The following SLC24A3 variants were observed in gnomAD, a reference collection of about 807,000 sequenced individuals.
SLC24A3 encodes the protein sodium/potassium/calcium exchanger 3.
In SLC24A3, 28 loss-of-function variants were observed where a neutral mutation model predicts 75.8. That is an observed-to-expected ratio of 0.37 (90% CI 0.27 to 0.51). The LOEUF is 0.51. SLC24A3 is among the 20% of genes least tolerant of loss of function. SLC24A3 has a pLI of 0.94. For missense variants in SLC24A3, 663 were observed against 847.8 expected, an observed-to-expected ratio of 0.78 and a Z score of 2.71; for synonymous variants, 372 against 334.1, an observed-to-expected ratio of 1.11 and a Z score of -1.24.
chr20:19,333,430 G>T (rs775884185), intron 2 of SLC24A3, among the ~76,000 whole-genome samples: 1 of 152,214 alleles, frequency 6.6e-6, no homozygotes, highest in Non-Finnish European at 1.5e-5. Flanking sequence ...GTCTTAGGGG[G>T]AAGTGACAGA....
chr20:19,668,618 C>T (rs1285587745), intron 8 of SLC24A3, among the ~76,000 whole-genome samples: 2 of 152,186 alleles, frequency 1.3e-5, no homozygotes, highest in Non-Finnish European at 2.9e-5. Context: ...AATACAAATA[C>T]ACCAGGACAA....
At chr20:19,213,788 C>T (rs1981477099) in intron 1 of SLC24A3, among the ~76,000 whole-genome samples, 1 of 152,192 alleles carries the variant, frequency 6.6e-6, no homozygotes, top group Non-Finnish European at 1.5e-5. Flanking sequence ...CAACAGTTGT[C>T]TGCTGAAACA....
intron 2 of SLC24A3, among the ~76,000 whole-genome samples, chr20:19,285,822 T>A (rs1219186961): frequency 1.3e-5 from 2 of 152,176 alleles, no homozygotes; most frequent in Non-Finnish European, 2.9e-5. Context: ...CTAAATGTAA[T>A]ATTGAAGATG....
intron 2 of SLC24A3, among the ~76,000 whole-genome samples, chr20:19,289,711 C>T (rs1015717576): frequency 7.1e-6 from 1 of 140,794 alleles, no homozygotes; most frequent in Non-Finnish European, 1.5e-5. Context: ...CATGTCTCTA[C>T]TCCCTGGGGT....
chr20:19,265,917 G>T (rs1294349258), intron 1 of SLC24A3: 1 of 153,132 alleles, frequency 6.5e-6, no homozygotes, highest in Non-Finnish European at 1.5e-5. Flanking sequence ...CTTTAGTTCA[G>T]GCAGCATCTT....
intron 3 of SLC24A3, among the ~76,000 whole-genome samples, chr20:19,535,696 T>C (rs1234238609): frequency 6.6e-6 from 1 of 152,184 alleles, no homozygotes; most frequent in African/African-American, 2.4e-5. Context: ...GGGTTATTTT[T>C]GAAGTTGTGT....
intron 2 of SLC24A3, among the ~76,000 whole-genome samples, chr20:19,421,694 A>C (rs1047301170): frequency 6.6e-6 from 1 of 152,222 alleles, no homozygotes; most frequent in African/African-American, 2.4e-5. Context: ...AACGGGATTT[A>C]CTGGGCAAAA....
At chr20:19,264,138 G>A (rs1302454687) in intron 1 of SLC24A3, 2 of 147,588 alleles carry the variant, frequency 1.4e-5, no homozygotes, top group Admixed American at 6.8e-5. Context: ...TCCAGCCTGA[G>A]TGACAAAGCA....
At chr20:19,445,314 C>T (rs1165970946) in intron 2 of SLC24A3, among the ~76,000 whole-genome samples, 1 of 152,160 alleles carries the variant, frequency 6.6e-6, no homozygotes, top group Admixed American at 6.5e-5. Flanking sequence ...CAATGTGGAC[C>T]TCAGGAAGCT....
chr20:19,581,465 G>C (rs993730680), intron 4 of SLC24A3, among the ~76,000 whole-genome samples: 2 of 152,152 alleles, frequency 1.3e-5, no homozygotes, highest in African/African-American at 4.8e-5. Flanking sequence ...CCATGCCCTT[G>C]TAGGGAGAGG....
chr20:19,248,982 G>A (rs930452967), intron 1 of SLC24A3, among the ~76,000 whole-genome samples: 4 of 151,248 alleles, frequency 2.6e-5, no homozygotes, highest in Non-Finnish European at 5.9e-5. Context: ...CCAGAGGCTG[G>A]GGAGTGGAAG....
chr20:19,279,846 T>A (rs914486117), intron 1 of SLC24A3, among the ~76,000 whole-genome samples: 25 of 152,178 alleles, frequency 1.6e-4, no homozygotes, highest in African/African-American at 6.0e-4. Context: ...GACAGGAAGG[T>A]GCTAGAAGCT....
intron 2 of SLC24A3, among the ~76,000 whole-genome samples, chr20:19,290,710 C>T (rs1983921179): frequency 6.6e-6 from 1 of 152,124 alleles, no homozygotes; most frequent in African/African-American, 2.4e-5. Flanking sequence ...GCCTGAGACC[C>T]ACCTCTTGCA....
chr20:19,220,246 A>T (rs988599979), intron 1 of SLC24A3, among the ~76,000 whole-genome samples: 1 of 152,218 alleles, frequency 6.6e-6, no homozygotes, highest in Non-Finnish European at 1.5e-5. Context: ...TATTTTTAGG[A>T]GAGAGTGAAC....
intron 2 of SLC24A3, among the ~76,000 whole-genome samples, chr20:19,401,377 C>T (rs574644950): frequency 2.4e-4 from 37 of 152,292 alleles, no homozygotes; most frequent in African/African-American, 8.4e-4. Flanking sequence ...TAGATGGAAA[C>T]GATTGTTGCA....
intron 2 of SLC24A3, among the ~76,000 whole-genome samples, chr20:19,372,782 C>T (rs1378335884): frequency 6.6e-6 from 1 of 152,044 alleles, no homozygotes; most frequent in Non-Finnish European, 1.5e-5. Context: ...AAATGCCCGG[C>T]TTTCCCTCCC....
At chr20:19,358,832 G>T (rs2122336580) in intron 2 of SLC24A3, among the ~76,000 whole-genome samples, 1 of 152,284 alleles carries the variant, frequency 6.6e-6, no homozygotes, top group East Asian at 1.9e-4. Flanking sequence ...GTATGGATTA[G>T]TCTAGATTGG....
At chr20:19,295,368 T>C (rs1490786268) in intron 2 of SLC24A3, among the ~76,000 whole-genome samples, 2 of 152,210 alleles carry the variant, frequency 1.3e-5, no homozygotes, top group Non-Finnish European at 2.9e-5. Flanking sequence ...CTCTTTGCCC[T>C]GGCCAGAACT....
At chr20:19,631,785 A>AGT (rs1216573220) in intron 6 of SLC24A3, among the ~76,000 whole-genome samples, 1 of 113,070 alleles carries the variant, frequency 8.8e-6, no homozygotes, top group African/African-American at 3.3e-5. Context: ...TGTGTGTATG[A>AGT]GTGAGAGTGT....
Sources: gnomAD v4.1 joint callset for allele counts (sites outside exome capture counted in the v4.1 genomes callset) on GRCh38, gnomAD v4.1.1 for gene constraint, MANE v1.5 for transcripts, NCBI Gene and HGNC (gene_info 2026-07-23, HGNC 2026-07-21) for gene names.